Variants in VCL observed in about 807,000 individuals in gnomAD.
The protein encoded by VCL is vinculin.
VCL carries 47 observed loss-of-function variants against 125.7 expected under a neutral mutation model. The ratio of observed to expected loss-of-function variants is 0.37; its 90% confidence interval spans 0.30 to 0.48. The LOEUF is 0.48. Among genes scored for constraint, VCL ranks in the 20% least tolerant of loss-of-function variants. VCL has a pLI of 0.99. For missense variants in VCL, 1,069 were observed against 1,455.5 expected (o/e 0.73, Z 4.32); for synonymous variants, 458 against 514.6 (o/e 0.89, Z 1.49).
chr10:74,006,859 TG>T (rs1183546716), intron 1 of VCL, among the ~76,000 whole-genome samples: 1 of 152,254 alleles, frequency 6.6e-6, no homozygotes, highest in Non-Finnish European at 1.5e-5. Flanking sequence ...GAGATACTTC[TG>T]ATCTGAAGCA....
intron 1 of VCL, among the ~76,000 whole-genome samples, chr10:74,008,429 A>G (rs190824764): frequency 5.9e-5 from 9 of 152,330 alleles, no homozygotes; most frequent in South Asian, 2.1e-4. Context: ...GTTACCTTCT[A>G]TCTGAAAGTG....
intron 8 of VCL, among the ~76,000 whole-genome samples, chr10:74,084,370 C>T (rs1241130372): frequency 6.6e-6 from 1 of 152,062 alleles, no homozygotes; most frequent in Admixed American, 6.5e-5. Flanking sequence ...CGGCTCACTG[C>T]AACCCCTGCC....
intron 10 of VCL, among the ~76,000 whole-genome samples, chr10:74,092,121 G>A (rs1839899823): frequency 6.6e-6 from 1 of 152,004 alleles, no homozygotes; most frequent in South Asian, 2.1e-4. Context: ...TGTTGTCCAG[G>A]ATGGTCTTGA....
intron 17 of VCL, 54 bp from the exon 18 acceptor site, chr10:74,108,917 T>A (rs1840177658): frequency 6.2e-7 from 1 of 1,606,344 alleles, no homozygotes; most frequent in Admixed American, 1.7e-5. Context: ...AGGAAAGAAT[T>A]CCAGGGGGGA....
chr10:74,065,683 C>CA (rs34028366), intron 2 of VCL, among the ~76,000 whole-genome samples: 1,196 of 113,212 alleles, frequency 0.011, 14 homozygotes, highest in African/African-American at 0.031. Flanking sequence ...GACCCTGTCT[C>CA]AAAAAAAAAA....
At chr10:74,093,746 G>A (rs1011856541) in intron 10 of VCL, among the ~76,000 whole-genome samples, 3 of 152,170 alleles carry the variant, frequency 2.0e-5, no homozygotes, top group Non-Finnish European at 1.5e-5. Flanking sequence ...CAAGCCTGCT[G>A]TGAGCCATGA....
intron 10 of VCL, 110 bp from the exon 11 acceptor site, chr10:74,094,161 T>C: frequency 7.5e-7 from 1 of 1,334,398 alleles, no homozygotes; most frequent in East Asian, 2.4e-5. Flanking sequence ...ACCAAATTAA[T>C]AGTAATCAGG....
intron 1 of VCL, among the ~76,000 whole-genome samples, chr10:74,034,481 TC>T (rs1840936752): frequency 6.6e-6 from 1 of 152,218 alleles, no homozygotes; most frequent in South Asian, 2.1e-4. Context: ...CTGTGAAACT[TC>T]CTGTACCTCA....
In VCL at chr10:73,998,127, A is replaced by T; in HGVS notation, c.-81A>T. 4 of 1,562,104 alleles carry T rather than the reference A, an allele frequency of 2.6e-6. No individual in the cohort carries two copies. The highest frequency in any genetic ancestry group is 3.5e-6 in the Non-Finnish European group (4 of 1,154,500). The stretch of plus-strand genomic sequence containing the variant: ...AGCCCCGACTCCGTAGTCGCTGCAC[A>T]GTCTGTCTCTTCGCCGGTTCCCGGC... On this transcript the variant is annotated 5_prime_UTR_variant, in exon 1 of 22. Transcript: ENST00000211998.
At chr10:74,059,481 T>G (rs1841442505) in intron 2 of VCL, among the ~76,000 whole-genome samples, 1 of 152,126 alleles carries the variant, frequency 6.6e-6, no homozygotes, top group African/African-American at 2.4e-5. Flanking sequence ...CTTGGCTCAT[T>G]GCAACCTCCA....
chr10:74,074,002 T>C (rs1022200739), intron 5 of VCL, among the ~76,000 whole-genome samples: 1 of 152,022 alleles, frequency 6.6e-6, no homozygotes, highest in Non-Finnish European at 1.5e-5. Flanking sequence ...CCGAGGTGGG[T>C]GGATCACCTG....
rs1425038199 is a variant in VCL, at chr10:74,103,916, G to GA, written c.2125dup (p.Met709AsnfsTer10). On this transcript the variant is annotated frameshift_variant, in exon 15 of 22. Transcript: ENST00000211998. LOFTEE classifies it high-confidence loss of function. ...GAAGAACCAGTGGATCGATAATGTT[G>GA]AAAAAATGACAGGTAGAGTTTTCTA... 1 of 1,613,786 alleles carries GA rather than the reference G, an allele frequency of 6.2e-7. No individual in the cohort carries two copies. The highest frequency in any genetic ancestry group is 1.3e-5 in the African/African-American group (1 of 74,918).
chr10:74,087,210 G>A (rs911137768), intron 8 of VCL, among the ~76,000 whole-genome samples: 2 of 151,006 alleles, frequency 1.3e-5, no homozygotes, highest in Non-Finnish European at 2.9e-5. Context: ...TCAACTTCAA[G>A]GAAAAAGTGT....
intron 1 of VCL, 55 bp downstream of exon 1, chr10:73,998,430 C>A (rs968868225): frequency 8.4e-6 from 11 of 1,313,794 alleles, no homozygotes; most frequent in Non-Finnish European, 1.1e-5. Flanking sequence ...CCCGGGGCCC[C>A]GGCCCGCGTC....
chr10:74,060,628 C>G (rs1397594880), intron 2 of VCL, among the ~76,000 whole-genome samples: 1 of 145,040 alleles, frequency 6.9e-6, no homozygotes. Flanking sequence ...TGCACTCCAG[C>G]CTGGGCAACA....
intron 13 of VCL, among the ~76,000 whole-genome samples, chr10:74,099,860 G>A (rs904675666): frequency 2.0e-5 from 3 of 152,204 alleles, no homozygotes; most frequent in Middle Eastern, 3.2e-3. Flanking sequence ...AACCCATGTA[G>A]TTAAATCCAA....
At chr10:74,003,559 G>A (rs1039575999) in intron 1 of VCL, among the ~76,000 whole-genome samples, 1 of 152,170 alleles carries the variant, frequency 6.6e-6, no homozygotes, top group African/African-American at 2.4e-5. Context: ...AGCATGTGTT[G>A]TAAGTACTCC....
intron 15 of VCL, among the ~76,000 whole-genome samples, chr10:74,104,153 C>T (rs1840098765): frequency 6.6e-6 from 1 of 152,194 alleles, no homozygotes; most frequent in Non-Finnish European, 1.5e-5. Context: ...TATTTTAATG[C>T]TGCCCTCCTG....
At chr10:74,058,007 G>A (rs1028994296) in intron 2 of VCL, among the ~76,000 whole-genome samples, 1 of 152,156 alleles carries the variant, frequency 6.6e-6, no homozygotes, top group East Asian at 1.9e-4. Flanking sequence ...TTTTAAATAT[G>A]ATGGACTTCT....
Sources: allele counts gnomAD v4.1 joint callset (sites outside exome capture counted in the v4.1 genomes callset), GRCh38; gene constraint gnomAD v4.1.1; transcripts MANE v1.5; gene names NCBI Gene and HGNC (gene_info 2026-07-23, HGNC 2026-07-21).